Variants in FBL observed in about 807,000 individuals in gnomAD.
The protein encoded by FBL is fibrillarin rRNA 2'-O-methyltransferase.
Under a neutral mutation model 42.2 loss-of-function variants are expected in FBL, and 10 were observed. The ratio of observed to expected loss-of-function variants is 0.24; its 90% confidence interval spans 0.15 to 0.40. The LOEUF (loss-of-function observed/expected upper bound fraction) is 0.40, where lower values mean the gene tolerates loss of function less well. FBL is among the 10% of genes least tolerant of loss of function. The pLI is 1.00. For synonymous variants in FBL, 165 were observed against 165.4 expected (o/e 1.00, Z 0.02); for missense variants, 351 against 439.2 (o/e 0.80, Z 1.79).
chr19:39,845,977 T>C (rs1568543281), intron 1 of FBL, among the ~76,000 whole-genome samples: 1 of 152,130 alleles, frequency 6.6e-6, no homozygotes, highest in Non-Finnish European at 1.5e-5. Context: ...ATCCAAACTC[T>C]AGCCCAAGAC....
At chr19:39,839,464 C>T (rs1568540750) in intron 4 of FBL, among the ~76,000 whole-genome samples, 1 of 152,298 alleles carries the variant, frequency 6.6e-6, no homozygotes, top group Middle Eastern at 3.4e-3. Context: ...TGTGCCAGCA[C>T]CTACTGTGTG....
intron 7 of FBL, among the ~76,000 whole-genome samples, chr19:39,835,762 C>A (rs1969032831): frequency 6.6e-6 from 1 of 151,904 alleles, no homozygotes. Context: ...CCCGTCTCCA[C>A]TAAAAATATA....
chr19:39,840,185 C>T lies in FBL; in HGVS notation c.378+48G>A. 1 of 1,320,522 alleles carries T rather than the reference C, an allele frequency of 7.6e-7. No individual in the cohort carries two copies. The highest frequency in any genetic ancestry group is 1.1e-6 in the Non-Finnish European group (1 of 914,272). 81.8% of individuals were successfully genotyped at this position (1,320,522 alleles called of 1,614,324 possible). On this transcript the variant is annotated intron_variant, in intron 4 of 8. Transcript: ENST00000221801. This position sits in a 1 kb window ranked among gnomAD's most constrained non-coding sequence, Gnocchi z 4.5. ...GAGGGCAGACACAGACTACTGGCTA[C>T]ACCCTCAGCTGCGACCCTGGTGGCT...
chr19:39,837,388 A>G (rs1178003441), intron 6 of FBL, among the ~76,000 whole-genome samples: 1 of 152,192 alleles, frequency 6.6e-6, no homozygotes, highest in Non-Finnish European at 1.5e-5. Flanking sequence ...CTCTCACCAG[A>G]CAATGATTAG....
At chr19:39,843,745 G>A (rs879374406) in intron 1 of FBL, among the ~76,000 whole-genome samples, 5 of 152,182 alleles carry the variant, frequency 3.3e-5, no homozygotes, top group Non-Finnish European at 5.9e-5. Flanking sequence ...TCCAGCCTGG[G>A]TGACAGAGAG....
rs199674324 is a variant in FBL at position 39,837,823 on chromosome 19, G to A, written c.570C>T (p.Val190=). ...IVGPDGLVYA[V]EFSHRSGRDL... ...CACGGCCAGAGCGGTGGGAGAACTC[G>A]ACTGCATAGACTAGACCATCCTAAA... Residue 190 remains valine, a synonymous_variant, in exon 6 of 9, where the codon GTC becomes GTT. Coordinates refer to ENST00000221801, the MANE Select transcript of FBL (RefSeq NM_001436.4). 2.6e-5 allele frequency: 42 copies of A among 1,613,380 alleles called. No homozygotes were observed. The highest frequency in any genetic ancestry group is 2.0e-4 in the Admixed American group (12 of 59,922).
rs1464054298 is a variant in FBL, at chr19:39,840,794, G to T, written c.11-7C>A. 4 of 1,535,726 alleles carry T rather than the reference G, an allele frequency of 2.6e-6. No individual in the cohort carries two copies. Among genetic ancestry groups the T allele is most frequent in the Non-Finnish European group, 1.8e-6 (2 of 1,139,550 alleles). ...CCCCCACGGGGACTGAATCCTGTGG[G>T]GGAAACAAAACAGGAGTCAGGGCAA... On this transcript the variant is annotated splice_region_variant and splice_polypyrimidine_tract_variant and intron_variant, in intron 1 of 8. Transcript: ENST00000221801. This position sits in a 1 kb window ranked among gnomAD's most constrained non-coding sequence, Gnocchi z 4.5.
intron 1 of FBL, among the ~76,000 whole-genome samples, chr19:39,844,561 C>A (rs536894554): frequency 6.6e-6 from 1 of 152,260 alleles, no homozygotes; most frequent in Non-Finnish European, 1.5e-5. Flanking sequence ...TCCATCCTTC[C>A]AGTTACACAC....
intron 1 of FBL, among the ~76,000 whole-genome samples, chr19:39,844,379 G>C (rs1969219372): frequency 6.6e-6 from 1 of 151,768 alleles, no homozygotes; most frequent in African/African-American, 2.4e-5. Context: ...TCCGTTTCAG[G>C]TCCTGGAGCT....
In FBL at chr19:39,837,700, A is replaced by T; in HGVS notation, c.682+11T>A. The T allele has an allele frequency of 6.4e-7, 1 of 1,559,104 alleles. No homozygotes were observed. Among genetic ancestry groups the T allele is most frequent in the South Asian group, 1.2e-5 (1 of 80,304 alleles). On this transcript the variant is annotated intron_variant, in intron 6 of 8. Transcript: ENST00000221801. ...GTCCTACCCCACCGGGGCCACCCCCAGACCCCTCACCGATGAGCATGCGGT... is the reference window on the plus strand; with the variant it reads ...GTCCTACCCCACCGGGGCCACCCCCTGACCCCTCACCGATGAGCATGCGGT...
At chr19:39,843,864 G>A (rs867382466) in intron 1 of FBL, among the ~76,000 whole-genome samples, 1 of 152,254 alleles carries the variant, frequency 6.6e-6, no homozygotes, top group Middle Eastern at 3.4e-3. Context: ...TATACTATCT[G>A]GCACCTACTT....
chr19:39,836,419 C>T (rs926547282), intron 7 of FBL, 137 bp downstream of exon 7: 1 of 560,738 alleles, frequency 1.8e-6, no homozygotes, highest in Non-Finnish European at 3.1e-6. Context: ...GCTGCACTCT[C>T]CTGCCTCTTT....
chr19:39,843,240 A>G (rs1301164457), intron 1 of FBL, among the ~76,000 whole-genome samples: 1 of 152,198 alleles, frequency 6.6e-6, no homozygotes, highest in Non-Finnish European at 1.5e-5. Flanking sequence ...TATGGGCTCA[A>G]TAAATGTTAA....
At chr19:39,844,980 T>C (rs1969232738) in intron 1 of FBL, among the ~76,000 whole-genome samples, 4 of 152,104 alleles carry the variant, frequency 2.6e-5, no homozygotes, top group Admixed American at 1.3e-4. Flanking sequence ...CCAGAATGCC[T>C]GCAGGCAAGC....
chr19:39,840,411 C>T lies in FBL; in HGVS notation c.283+3G>A. On this transcript the variant is annotated splice_donor_region_variant and intron_variant, in intron 3 of 8. Transcript: ENST00000221801. This position sits in a 1 kb window ranked among gnomAD's most constrained non-coding sequence, Gnocchi z 4.5. ...CAGCCGGCTCCCTGCCTTCCTCACT[C>T]ACCCTCATGCCGATGCGGCTCCACC... The T allele has an allele frequency of 6.2e-7, 1 of 1,614,122 alleles. No individual in the cohort carries two copies. Among genetic ancestry groups the T allele is most frequent in the Non-Finnish European group, 8.5e-7 (1 of 1,179,986 alleles).
At chr19:39,834,590 A>AG (rs1202209890) in intron 8 of FBL, 28 bp from the exon 9 acceptor site, 1 of 1,614,124 alleles carries the variant, frequency 6.2e-7, no homozygotes, top group Non-Finnish European at 8.5e-7. Context: ...GTGATGAAGG[A>AG]GGGTCCCCAG....
intron 5 of FBL, chr19:39,838,495 A>G: frequency 6.5e-6 from 1 of 153,510 alleles, no homozygotes; most frequent in Non-Finnish European, 1.5e-5. Context: ...TCCTGACCTC[A>G]GGTGATCCAC....
At position 39,840,015 on chromosome 19, in the gene FBL, A is replaced by G. The variant is rs919240056; in HGVS notation, c.378+218T>C. 3.9e-5 allele frequency among the ~76,000 whole-genome samples: 6 copies of G among 152,118 alleles called. No individual in the cohort carries two copies. Among genetic ancestry groups the G allele is most frequent in the Non-Finnish European group, 2.9e-5 (2 of 68,020 alleles). ...CCAGGGGGCAGGGAGGGGGAACTGG[A>G]ATGCACAGGGTCTTGGAGGCCTGAG... On this transcript the variant is annotated intron_variant, in intron 4 of 8. Coordinates refer to ENST00000221801, the MANE Select transcript of FBL (RefSeq NM_001436.4). This position sits in a 1 kb window ranked among gnomAD's most constrained non-coding sequence, Gnocchi z 4.5.
chr19:39,834,585 G>A, intron 8 of FBL, 23 bp from the exon 9 acceptor site: 2 of 1,614,154 alleles, frequency 1.2e-6, no homozygotes, highest in Non-Finnish European at 1.7e-6. Flanking sequence ...GATAGGTGAT[G>A]AAGGAGGGTC....
Sources: allele counts gnomAD v4.1 joint callset (sites outside exome capture counted in the v4.1 genomes callset), GRCh38; gene constraint gnomAD v4.1.1; non-coding constraint Gnocchi (gnomAD v3.1); transcripts MANE v1.5; gene names NCBI Gene and HGNC (gene_info 2026-07-23, HGNC 2026-07-21).